Variants in SNRNP200 observed in about 807,000 individuals in gnomAD.
SNRNP200 encodes small nuclear ribonucleoprotein U5 subunit 200.
A neutral mutation model predicts 255.2 loss-of-function variants in SNRNP200; 66 were observed. The observed-to-expected ratio is 0.26, with a 90% CI of 0.21 to 0.32. The LOEUF (loss-of-function observed/expected upper bound fraction) is 0.32. Ranked by LOEUF, SNRNP200 falls within the 10% of genes least tolerant of loss-of-function variation. The pLI is 1.00. For synonymous variants in SNRNP200, 939 were observed against 1,027.8 expected, an observed-to-expected ratio of 0.91 and a Z score of 1.65; for missense variants, 1,585 against 2,749.8, an observed-to-expected ratio of 0.58 and a Z score of 9.47.
rs2063911938 is a variant in SNRNP200, at chr2:96,295,589, T to C, written c.1741A>G (p.Ser581Gly). 8 of 1,613,954 alleles carry C rather than the reference T, an allele frequency of 5.0e-6. No individual in the cohort carries two copies. The highest frequency in any genetic ancestry group is 6.8e-6 in the Non-Finnish European group (8 of 1,180,018). ...GTGCAGACGATGATCTGAGTGGCAC[T>C]GATCTCTTCTTTGCACAGCTGGTGG... ...GDHQLCKEEI[S>G]ATQIIVCTPE... The change falls in exon 14 of 45, where the codon AGT (serine) becomes GGT (glycine). Residue 581 changes from serine (S) to glycine (G), a missense_variant. Transcript: ENST00000323853.
Position 96,286,966 on chromosome 2 carries a change from A to G in SNRNP200, c.3639+40T>C. 6.2e-7 allele frequency: 1 copy of G among 1,614,000 alleles called. No homozygotes were observed. The highest frequency in any genetic ancestry group is 1.1e-5 in the South Asian group (1 of 91,076). ...CTCCTCGGCCCAGCAACGTAGACTG[A>G]GCACCTCCAATCCAGCACCTCTGCC... On this transcript the variant is annotated intron_variant, in intron 27 of 44. Coordinates refer to ENST00000323853, the MANE Select transcript of SNRNP200 (RefSeq NM_014014.5). The surrounding 1 kb of genome is among the most constrained non-coding windows in gnomAD (Gnocchi z 4.8).
Position 96,290,903 on chromosome 2 carries a change from G to C in SNRNP200, c.2422-88C>G. The C allele has an allele frequency of 6.4e-7, 1 of 1,558,648 alleles. No individual in the cohort carries two copies. The highest frequency in any genetic ancestry group is 8.8e-7 in the Non-Finnish European group (1 of 1,135,776). ...GCTTCTCTAGGCAGTTGGCCTCAGA[G>C]CTTCTCTCAGGACTAGCCGGTAGGG... On this transcript the variant is annotated intron_variant, in intron 18 of 44. Transcript: ENST00000323853. The surrounding 1 kb of genome is among the most constrained non-coding windows in gnomAD (Gnocchi z 4.5).
Position 96,277,336 on chromosome 2 carries a change from A to G in SNRNP200, c.5932-95T>C. 7.2e-7 allele frequency: 1 copy of G among 1,394,012 alleles called. No homozygotes were observed. The highest frequency in any genetic ancestry group is 1.2e-5 in the South Asian group (1 of 85,868). The allele number at this position is 1,394,012 out of a possible 1,614,324, so 86.4% of individuals were successfully genotyped here. On this transcript the variant is annotated intron_variant, in intron 41 of 44. Coordinates refer to ENST00000323853, the MANE Select transcript of SNRNP200 (RefSeq NM_014014.5). This position sits in a 1 kb window ranked among gnomAD's most constrained non-coding sequence, Gnocchi z 4.4. ...AGCTACTAATTTTACCTCCTACACT[A>G]TCAAGTCATCTAGATAAAACAGCTG...
intron 14 of SNRNP200, 65 bp downstream of exon 14, chr2:96,295,423 T>A: frequency 6.3e-7 from 1 of 1,595,500 alleles, no homozygotes. Flanking sequence ...ACATTTCGCA[T>A]GAAAACCCAG....
chr2:96,298,832 C>A lies in SNRNP200; in HGVS notation c.865G>T (p.Val289Leu). ...GGCCATACCTTCAAAATCTCCAATA[C>A]TTCATCTGCCTTCTTCTGCGACACG... ...AIVSQKKADE[V>L]LEILKTASDD... The change falls in exon 7 of 45, where the codon GTA (valine) becomes TTA (leucine). Residue 289 changes from valine to leucine, a missense_variant. By Grantham distance (32) the Val-to-Leu change is conservative (BLOSUM62 1). Coordinates refer to ENST00000323853, the MANE Select transcript of SNRNP200 (RefSeq NM_014014.5). 6.2e-7 allele frequency: 1 copy of A among 1,614,178 alleles called. No individual in the cohort carries two copies. Among genetic ancestry groups the A allele is most frequent in the Non-Finnish European group, 8.5e-7 (1 of 1,180,036 alleles).
rs1034017379 is a variant in SNRNP200 at position 96,285,483 on chromosome 2, C to A, written c.4004-143G>T. The A allele has an allele frequency of 2.5e-5, 22 of 877,326 alleles. 1 individual carries two copies. The South Asian group carries it at 3.0e-4, about 12-fold the overall frequency. The allele number at this position is 877,326 out of a possible 1,614,324, so 54.3% of individuals were successfully genotyped here. On this transcript the variant is annotated intron_variant, in intron 29 of 44. Coordinates refer to ENST00000323853, the MANE Select transcript of SNRNP200 (RefSeq NM_014014.5). ...AGTGCAGACAGAGGAGCTAAGGCAT[C>A]CAAGCCTCTAACTCCAGGCCAGCCC...
chr2:96,300,587 C>G (rs987651053), intron 5 of SNRNP200, among the ~76,000 whole-genome samples: 1 of 152,042 alleles, frequency 6.6e-6, no homozygotes, highest in South Asian at 2.1e-4. Context: ...CACGGTGAAA[C>G]CCCGTCTCCA....
chr2:96,297,331 G>T, intron 11 of SNRNP200, 32 bp downstream of exon 11: 2 of 1,612,016 alleles, frequency 1.2e-6, no homozygotes, highest in South Asian at 1.1e-5. Flanking sequence ...GAGGTGAACT[G>T]AGCAGAGAAC....
At chr2:96,275,874 C>T (rs137937505) in intron 43 of SNRNP200, among the ~76,000 whole-genome samples, 3 of 152,306 alleles carry the variant, frequency 2.0e-5, no homozygotes, top group South Asian at 2.1e-4. Flanking sequence ...GGCATGGTGG[C>T]GGGTGCCTGT....
intron 21 of SNRNP200, 85 bp from the exon 22 acceptor site, chr2:96,289,464 GT>G: frequency 1.4e-6 from 2 of 1,480,896 alleles, no homozygotes; most frequent in Non-Finnish European, 1.9e-6. Context: ...TGTCCTATAG[GT>G]TTTTTGTACT....
chr2:96,301,583 A>G lies in SNRNP200; in HGVS notation c.515T>C (p.Leu172Pro). 1 of 1,614,210 alleles carries G rather than the reference A, an allele frequency of 6.2e-7. No individual in the cohort carries two copies. Among genetic ancestry groups the G allele is most frequent in the East Asian group, 2.2e-5 (1 of 44,892 alleles). ...GQTDDTRYHV[L>P]VNLGKKITDY... ...TGTGATCTTTTTGCCCAGGTTCACT[A>G]GCACATGGTATCTGGTATCATCTGT... The change falls in exon 4 of 45, where the codon CTA (leucine) becomes CCA (proline). Residue 172 changes from leucine (L) to proline (P), a missense_variant. By Grantham distance (98) the Leu-to-Pro change is moderately conservative (BLOSUM62 -3). Around this residue, in one of 9 missense-constraint regions of SNRNP200, gnomAD observed 383 missense variants for 645.3 expected, o/e 0.59. Coordinates refer to ENST00000323853, the MANE Select transcript of SNRNP200 (RefSeq NM_014014.5).
In SNRNP200 at chr2:96,278,125, G is replaced by A. The variant is rs1032906973; in HGVS notation, c.5610+112C>T. ...GGTATGGAGCGGGAGGACATATGGC[G>A]GGGGTCGGGGGATGCGTATGGGCGT... On this transcript the variant is annotated intron_variant, in intron 39 of 44. Coordinates refer to ENST00000323853, the MANE Select transcript of SNRNP200 (RefSeq NM_014014.5). The surrounding 1 kb of genome is among the most constrained non-coding windows in gnomAD (Gnocchi z 6.9). The A allele has an allele frequency of 2.9e-5, 45 of 1,558,672 alleles. No homozygotes were observed. Among genetic ancestry groups the A allele is most frequent in the Middle Eastern group, 1.7e-4 (1 of 5,972 alleles).
At chr2:96,279,622 C>A in intron 35 of SNRNP200, 63 bp from the exon 36 acceptor site, 1 of 1,045,428 alleles carries the variant, frequency 9.6e-7, no homozygotes, top group Non-Finnish European at 1.5e-6. Flanking sequence ...GCTCAGGAAG[C>A]CCAACTCCCT....
Position 96,296,656 on chromosome 2 carries a change from C to A in SNRNP200, c.1551G>T (p.Met517Ile). 1 of 1,614,156 alleles carries A rather than the reference C, an allele frequency of 6.2e-7. No homozygotes were observed. Among genetic ancestry groups the A allele is most frequent in the Non-Finnish European group, 8.5e-7 (1 of 1,180,026 alleles). Residue 517 changes from methionine (M) to isoleucine (I), a missense_variant, in exon 13 of 45, where the codon ATG becomes ATT. Coordinates refer to ENST00000323853, the MANE Select transcript of SNRNP200 (RefSeq NM_014014.5). ...AGKTNVALMC[M>I]LREIGKHINM... Reference sequence around the variant, plus strand: ...TTATGTGTTTCCCAATCTCTCGGAGCATGCACATCAGGGCCACGTTGGTCT... The same window carrying A: ...TTATGTGTTTCCCAATCTCTCGGAGAATGCACATCAGGGCCACGTTGGTCT...
At chr2:96,303,599 C>A (rs1398886358) in intron 2 of SNRNP200, among the ~76,000 whole-genome samples, 1 of 152,132 alleles carries the variant, frequency 6.6e-6, no homozygotes, top group Non-Finnish European at 1.5e-5. Flanking sequence ...TTAAAAAATA[C>A]AACCCTTTGG....
At chr2:96,280,236 C>T (rs1040156035) in intron 35 of SNRNP200, among the ~76,000 whole-genome samples, 4 of 152,206 alleles carry the variant, frequency 2.6e-5, no homozygotes, top group South Asian at 2.1e-4. Flanking sequence ...ATAACTCACA[C>T]CTGTAATCCC....
chr2:96,299,114 T>C (rs1574000314), intron 6 of SNRNP200, 147 bp from the exon 7 acceptor site: 1 of 1,094,566 alleles, frequency 9.1e-7, no homozygotes, highest in Non-Finnish European at 1.4e-6. Flanking sequence ...GAATATTGAG[T>C]TCAGAAGCAC....
chr2:96,284,457 C>T lies in SNRNP200; in HGVS notation c.4293G>A (p.Lys1431=), dbSNP rs781245650. The change falls in exon 31 of 45, where the codon AAG becomes AAA. Residue 1431 remains lysine (K), a synonymous_variant. Transcript: ENST00000323853. ...TCCATCGCCGGGAAAGTATGTCCCA[C>T]TTCTCAGGGGTGCTGATGATAATGT... ...KGNIIISTPE[K]WDILSRRWKQ... 2 of 1,614,206 alleles carry T rather than the reference C, an allele frequency of 1.2e-6. No individual in the cohort carries two copies. The highest frequency in any genetic ancestry group is 3.3e-5 in the Admixed American group (2 of 60,016).
At chr2:96,295,751 G>A in intron 13 of SNRNP200, 93 bp from the exon 14 acceptor site, 2 of 1,339,570 alleles carry the variant, frequency 1.5e-6, no homozygotes, top group Admixed American at 3.8e-5. Context: ...GGCATTGGGA[G>A]CAGGTATCAA....
Sources: gnomAD v4.1 joint callset for allele counts (sites outside exome capture counted in the v4.1 genomes callset) on GRCh38, gnomAD v4.1.1 for gene constraint, gnomAD v4.1.1 regional missense constraint, Gnocchi (gnomAD v3.1) non-coding constraint, MANE v1.5 for transcripts, NCBI Gene and HGNC (gene_info 2026-07-23, HGNC 2026-07-21) for gene names.